KLF12: variants seen among roughly 807,000 people sequenced by gnomAD.
KLF12 encodes the protein KLF transcription factor 12, also known as Krueppel-like factor 12.
Under a neutral mutation model 37.8 loss-of-function variants are expected in KLF12, and 9 were observed. The observed-to-expected ratio is 0.24, with a 90% CI of 0.14 to 0.42. The LOEUF is 0.42. Ranked by LOEUF, KLF12 falls within the 10% of genes least tolerant of loss-of-function variation. The pLI, the probability that KLF12 is intolerant of heterozygous loss-of-function variation, is 1.00. For synonymous variants in KLF12, 208 were observed against 202.1 expected, an observed-to-expected ratio of 1.03 and a Z score of -0.25; for missense variants, 411 against 516.0, an observed-to-expected ratio of 0.80 and a Z score of 1.97.
At chr13:74,224,594 A>C in the KLF12 span, among the ~76,000 whole-genome samples, 8 of 152,286 alleles carry the variant, frequency 5.3e-5, no homozygotes, top group Non-Finnish European at 7.4e-5. Context: ...TGTAGCATAT[A>C]ATTGCTTGGA....
intron 1 of KLF12, among the ~76,000 whole-genome samples, chr13:74,042,672 C>T (rs752523138): frequency 2.0e-4 from 31 of 152,044 alleles, no homozygotes; most frequent in African/African-American, 4.6e-4. Context: ...AAGACAGATC[C>T]GATAAGTATG....
intron 4 of KLF12, among the ~76,000 whole-genome samples, chr13:73,823,956 C>T (rs1051597281): frequency 9.9e-5 from 15 of 152,044 alleles, no homozygotes; most frequent in South Asian, 2.1e-4. Flanking sequence ...GTGATCCACC[C>T]GCCTTGGACT....
At chr13:73,991,014 A>G (rs1891955946) in intron 2 of KLF12, among the ~76,000 whole-genome samples, 2 of 152,202 alleles carry the variant, frequency 1.3e-5, no homozygotes, top group African/African-American at 2.4e-5. Flanking sequence ...CATCTTTTCA[A>G]ATAATGAAGC....
At chr13:74,238,109 G>C in the KLF12 span, among the ~76,000 whole-genome samples, 1 of 134,264 alleles carries the variant, frequency 7.4e-6, no homozygotes, top group Non-Finnish European at 1.5e-5. Context: ...TTTGAAATAT[G>C]TCCCATCAAT....
chr13:73,897,841 G>C (rs78167557), intron 3 of KLF12, among the ~76,000 whole-genome samples: 1,844 of 152,222 alleles, frequency 0.012, 30 homozygotes, highest in African/African-American at 0.04. Context: ...TGTTTTGGTT[G>C]TTCTCCAATT....
chr13:74,048,330 A>T (rs567701397), intron 1 of KLF12, among the ~76,000 whole-genome samples: 2 of 152,322 alleles, frequency 1.3e-5, no homozygotes, highest in South Asian at 4.1e-4. Context: ...AGACTGGGCG[A>T]CACTCAGCCT....
the KLF12 span, among the ~76,000 whole-genome samples, chr13:74,242,520 G>T: frequency 6.6e-6 from 1 of 152,054 alleles, no homozygotes; most frequent in African/African-American, 2.4e-5. Context: ...TCTCCCACTG[G>T]GTCCCTCCCA....
intron 1 of KLF12, among the ~76,000 whole-genome samples, chr13:74,066,828 A>G (rs1300806505): frequency 6.6e-6 from 1 of 152,210 alleles, no homozygotes; most frequent in Non-Finnish European, 1.5e-5. Flanking sequence ...AGGGAGCTAT[A>G]AAGCTCACTA....
chr13:74,191,411 A>G, the KLF12 span, among the ~76,000 whole-genome samples: 1 of 152,116 alleles, frequency 6.6e-6, no homozygotes, highest in Non-Finnish European at 1.5e-5. Flanking sequence ...TATTTTGTTG[A>G]GTTATATTTA....
chr13:74,179,225 G>C, the KLF12 span, among the ~76,000 whole-genome samples: 1 of 152,208 alleles, frequency 6.6e-6, no homozygotes, highest in Non-Finnish European at 1.5e-5. Context: ...CTTCCTGTGT[G>C]TAGTGAAAGC....
At chr13:73,955,456 C>A (rs1225967617) in intron 2 of KLF12, among the ~76,000 whole-genome samples, 1 of 152,110 alleles carries the variant, frequency 6.6e-6, no homozygotes, top group Non-Finnish European at 1.5e-5. Flanking sequence ...TAAATGGCAG[C>A]AATGAATTAT....
intron 4 of KLF12, among the ~76,000 whole-genome samples, chr13:73,824,206 C>A (rs1374431402): frequency 3.3e-5 from 5 of 152,016 alleles, no homozygotes; most frequent in Non-Finnish European, 7.4e-5. Flanking sequence ...ACATTTCCAC[C>A]CACACTTCAC....
intron 3 of KLF12, among the ~76,000 whole-genome samples, chr13:73,847,173 C>A (rs967635027): frequency 3.9e-5 from 6 of 152,010 alleles, no homozygotes; most frequent in Non-Finnish European, 5.9e-5. Flanking sequence ...TTCATAAATT[C>A]AACAAACATT....
At chr13:74,024,461 TTATTTTTGA>T (rs1892920715) in intron 1 of KLF12, among the ~76,000 whole-genome samples, 1 of 152,212 alleles carries the variant, frequency 6.6e-6, no homozygotes, top group African/African-American at 2.4e-5. Context: ...GCTCAAGAAC[TTATTTTTGA>T]TACACTAAGA....
In KLF12 at chr13:73,869,733, C is replaced by T. The variant is rs184636200; in HGVS notation, c.124-23360G>A. On this transcript the variant is annotated intron_variant, in intron 3 of 7. Coordinates refer to ENST00000377669, the MANE Select transcript of KLF12 (RefSeq NM_007249.5). ...TAGTTGTTAAATGAAGAAATGGACT[C>T]AATGACAAAGTGATAAATCAGATGG... is the stretch of plus-strand genomic sequence containing the variant. Among the ~76,000 whole-genome samples the T allele has an allele frequency of 2.0e-5, 3 of 152,166 alleles. No homozygotes were observed. In the East Asian group the frequency reaches 5.8e-4, roughly 29 times the overall value.
Position 73,944,060 on chromosome 13 carries a change from G to A in KLF12, c.44C>T (p.Thr15Ile), listed in dbSNP as rs762948057. Residue 15 changes from threonine to isoleucine, a missense_variant, in exon 3 of 8, where the codon ACC (threonine) becomes ATC (isoleucine). This residue lies in a region of KLF12 where 351 missense variants were observed against 397.8 expected (regional missense o/e 0.88). Coordinates refer to ENST00000377669, the MANE Select transcript of KLF12 (RefSeq NM_007249.5). ...AAGCATTAACATTCTGTTCTCAAAGGTGTTGATATTCTGAGAATAGAAGGG... is the reference window on the plus strand; with the variant it reads ...AAGCATTAACATTCTGTTCTCAAAGATGTTGATATTCTGAGAATAGAAGGG... The A allele has an allele frequency of 6.2e-7, 1 of 1,605,102 alleles. No individual in the cohort carries two copies. Among genetic ancestry groups the A allele is most frequent in the Non-Finnish European group, 8.5e-7 (1 of 1,173,142 alleles).
intron 2 of KLF12, among the ~76,000 whole-genome samples, chr13:73,953,468 A>G (rs1193145985): frequency 1.3e-5 from 2 of 152,204 alleles, no homozygotes; most frequent in African/African-American, 2.4e-5. Context: ...AGTACTGTAC[A>G]TTAACATATT....
chr13:74,111,616 C>T (rs542408232), intron 1 of KLF12, among the ~76,000 whole-genome samples: 1 of 152,096 alleles, frequency 6.6e-6, no homozygotes, highest in African/African-American at 2.4e-5. Flanking sequence ...ACAAGATAAT[C>T]TGAAAAGTCC....
chr13:73,702,925 G>C (rs1874665381), intron 7 of KLF12, among the ~76,000 whole-genome samples: 1 of 152,144 alleles, frequency 6.6e-6, no homozygotes, highest in African/African-American at 2.4e-5. Context: ...AAAGAGCTGA[G>C]ATTACAAGGC....
Sources: gnomAD v4.1 joint callset for allele counts (sites outside exome capture counted in the v4.1 genomes callset) on GRCh38, gnomAD v4.1.1 for gene constraint, gnomAD v4.1.1 regional missense constraint, MANE v1.5 for transcripts, NCBI Gene and HGNC (gene_info 2026-07-23, HGNC 2026-07-21) for gene names.